ATP10B: variants seen among roughly 807,000 people sequenced by gnomAD.
ATP10B encodes the protein phospholipid-transporting ATPase VB.
ATP10B carries 122 observed loss-of-function variants against 141.2 expected under a neutral mutation model. The ratio of observed to expected loss-of-function variants is 0.86; its 90% CI spans 0.75 to 1.00. The LOEUF is 1.00. Among genes scored for constraint, ATP10B ranks in the 50% least tolerant of loss-of-function variants. ATP10B has a pLI of 0.00. For synonymous variants in ATP10B, 685 were observed against 692.0 expected, an observed-to-expected ratio of 0.99 and a Z score of 0.16; for missense variants, 1,876 against 1,825.3, an observed-to-expected ratio of 1.03 and a Z score of -0.51.
Position 160,565,463 on chromosome 5 carries a change from A to T in ATP10B, c.4376T>A (p.Leu1459Gln). ...GATTTCTGCAGCTCCTCATATGGTCAGTGAACTCTGGGATCGGCGATGGCT... is the reference window on the plus strand; with the variant it reads ...GATTTCTGCAGCTCCTCATATGGTCTGTGAACTCTGGGATCGGCGATGGCT... ...RSSHRRSQSS[L>Q]TI Residue 1459 changes from leucine (L) to glutamine (Q), a missense_variant, in exon 26 of 26, where the codon CTG (leucine) becomes CAG (glutamine). Leu to Gln is a moderately radical substitution (Grantham distance 113, BLOSUM62 -2). Transcript: ENST00000327245. 6.2e-7 allele frequency: 1 copy of T among 1,614,050 alleles called. No homozygotes were observed. Among genetic ancestry groups the T allele is most frequent in the Non-Finnish European group, 8.5e-7 (1 of 1,179,930 alleles).
intron 1 of ATP10B, among the ~76,000 whole-genome samples, chr5:160,819,770 TG>T (rs1441127417): frequency 6.6e-6 from 1 of 152,118 alleles, no homozygotes; most frequent in Non-Finnish European, 1.5e-5. Context: ...CTTAAGATAA[TG>T]GGTTATAAGA....
chr5:160,851,261 T>A (rs1474792237), intron 1 of ATP10B, among the ~76,000 whole-genome samples: 4 of 152,184 alleles, frequency 2.6e-5, no homozygotes, highest in Non-Finnish European at 5.9e-5. Flanking sequence ...ATTTTTATTT[T>A]TAACATTACT....
At chr5:160,586,556 G>T (rs1403015811) in intron 24 of ATP10B, among the ~76,000 whole-genome samples, 1 of 152,204 alleles carries the variant, frequency 6.6e-6, no homozygotes, top group Non-Finnish European at 1.5e-5. Context: ...TAACCACACT[G>T]TCTTCCACAA....
At chr5:160,887,458 T>C in the ATP10B span, among the ~76,000 whole-genome samples, 1 of 152,208 alleles carries the variant, frequency 6.6e-6, no homozygotes, top group Non-Finnish European at 1.5e-5. Context: ...TGGATATGGA[T>C]GGCCGACCAT....
At chr5:160,836,917 C>T (rs1775475097) in intron 1 of ATP10B, among the ~76,000 whole-genome samples, 1 of 152,086 alleles carries the variant, frequency 6.6e-6, no homozygotes, top group Non-Finnish European at 1.5e-5. Context: ...CCTCCTAGAG[C>T]GATCAAATAT....
chr5:160,670,182 G>T (rs1762588349), intron 7 of ATP10B, among the ~76,000 whole-genome samples: 1 of 152,118 alleles, frequency 6.6e-6, no homozygotes, highest in Admixed American at 6.6e-5. Context: ...AGAGCAGAGA[G>T]TATAGTTTCC....
intron 7 of ATP10B, among the ~76,000 whole-genome samples, chr5:160,651,195 G>T (rs1032897989): frequency 2.6e-5 from 4 of 152,208 alleles, no homozygotes; most frequent in African/African-American, 9.6e-5. Context: ...GGCTCCCCAT[G>T]GTCAAACCTA....
the ATP10B span, among the ~76,000 whole-genome samples, chr5:160,890,074 C>A: frequency 6.6e-6 from 1 of 152,174 alleles, no homozygotes; most frequent in South Asian, 2.1e-4. Context: ...GAGTGTTTGC[C>A]TCATCCTTAA....
At chr5:160,815,804 C>A (rs1208503574) in intron 1 of ATP10B, among the ~76,000 whole-genome samples, 1 of 152,164 alleles carries the variant, frequency 6.6e-6, no homozygotes, top group Non-Finnish European at 1.5e-5. Context: ...GAAATTATAA[C>A]AAACTGTCTC....
At chr5:160,674,719 C>G (rs1380526581) in intron 6 of ATP10B, among the ~76,000 whole-genome samples, 1 of 151,270 alleles carries the variant, frequency 6.6e-6, no homozygotes, top group Non-Finnish European at 1.5e-5. Context: ...TGGTAGGCAT[C>G]TAGGAATAAT....
At chr5:160,814,922 G>T (rs996620655) in intron 1 of ATP10B, among the ~76,000 whole-genome samples, 1 of 152,160 alleles carries the variant, frequency 6.6e-6, no homozygotes, top group Non-Finnish European at 1.5e-5. Flanking sequence ...ATCCTTTACA[G>T]AGAAGCAAAT....
At chr5:160,622,041 T>G (rs1014023665) in intron 14 of ATP10B, among the ~76,000 whole-genome samples, 11 of 152,164 alleles carry the variant, frequency 7.2e-5, no homozygotes, top group African/African-American at 2.7e-4. Context: ...CTCATAGAGT[T>G]GCTGGGTTGA....
the ATP10B span, among the ~76,000 whole-genome samples, chr5:160,893,419 CAA>C: frequency 2.0e-3 from 308 of 152,248 alleles, no homozygotes; most frequent in African/African-American, 7.3e-3. Flanking sequence ...CCAGTGTAAA[CAA>C]AGCCACAGGG....
At chr5:160,806,787 G>A (rs10062727) in intron 1 of ATP10B, among the ~76,000 whole-genome samples, 28,107 of 152,182 alleles carry the variant, frequency 0.18, 2,773 homozygotes, top group East Asian at 0.36. Context: ...TCACTTATCT[G>A]TAAATGGCAG....
At chr5:160,854,353 G>T (rs1023748681), upstream of ATP10B, among the ~76,000 whole-genome samples, 1 of 151,896 alleles carries the variant, frequency 6.6e-6, no homozygotes, top group African/African-American at 2.4e-5. Flanking sequence ...ACAGGCCCCA[G>T]TGTGTGATGT....
intron 7 of ATP10B, among the ~76,000 whole-genome samples, chr5:160,653,823 C>T (rs1219550636): frequency 3.2e-5 from 4 of 123,430 alleles, no homozygotes; most frequent in South Asian, 2.5e-4. Context: ...ATTATATAGA[C>T]GTATATACAT....
chr5:160,608,329 T>C (rs1481133429), intron 18 of ATP10B, among the ~76,000 whole-genome samples: 1 of 152,242 alleles, frequency 6.6e-6, no homozygotes, highest in African/African-American at 2.4e-5. Context: ...CAGTCTATCA[T>C]TGATGGACAT....
rs567879513 is a variant in ATP10B, at chr5:160,625,574, C to T, written c.1621-2989G>A. Among the ~76,000 whole-genome samples, 13 of 152,326 alleles carry T rather than the reference C, an allele frequency of 8.5e-5. No homozygotes were observed. In the East Asian group the frequency reaches 2.3e-3, roughly 27 times the overall value. ...AAGGAGGAAACTGCTTGAGATCACA[C>T]ACTGATTTAGGGTCAGAACTAGGAC... On this transcript the variant is annotated intron_variant, in intron 13 of 25. Transcript: ENST00000327245.
At position 160,634,339 on chromosome 5, in the gene ATP10B, T is replaced by C. The variant is rs1271390456; in HGVS notation, c.1381+15A>G. 6.2e-7 allele frequency: 1 copy of C among 1,614,130 alleles called. No homozygotes were observed. The highest frequency in any genetic ancestry group is 1.7e-5 in the Admixed American group (1 of 60,022). ...CTTTTAGAAAGAGGGATGGAGCCCT[T>C]GGGAGCTTCTATACCATTTTCTTGG... On this transcript the variant is annotated intron_variant, in intron 12 of 25. Coordinates refer to ENST00000327245, the MANE Select transcript of ATP10B (RefSeq NM_025153.3).
Sources: gnomAD v4.1 joint callset for allele counts (sites outside exome capture counted in the v4.1 genomes callset) on GRCh38, gnomAD v4.1.1 for gene constraint, MANE v1.5 for transcripts, NCBI Gene and HGNC (gene_info 2026-07-23, HGNC 2026-07-21) for gene names.